The following RELN variants were observed in gnomAD, a reference collection of about 807,000 sequenced individuals.
RELN encodes the protein reelin.
Under a neutral mutation model 427.6 loss-of-function variants are expected in RELN, and 108 were observed. The observed-to-expected ratio is 0.25, with a 90% CI of 0.22 to 0.30. The LOEUF is 0.30. Ranked by LOEUF, RELN falls within the 10% of genes least tolerant of loss-of-function variation. RELN has a pLI of 1.00. For synonymous variants in RELN, 1,524 were observed against 1,513.4 expected (o/e 1.01, Z -0.16); for missense variants, 3,715 against 4,302.8 (o/e 0.86, Z 3.82).
intron 25 of RELN, among the ~76,000 whole-genome samples, chr7:103,595,011 G>A (rs943912309): frequency 1.8e-4 from 27 of 152,052 alleles, no homozygotes; most frequent in African/African-American, 6.5e-4. Flanking sequence ...GGCATTATAC[G>A]TATAATTTGG....
intron 27 of RELN, among the ~76,000 whole-genome samples, chr7:103,590,298 T>G (rs1050702407): frequency 2.0e-5 from 3 of 152,094 alleles, no homozygotes; most frequent in Non-Finnish European, 4.4e-5. Context: ...GTGCGGTGGC[T>G]CATGCCTGTA....
intron 2 of RELN, among the ~76,000 whole-genome samples, chr7:103,891,129 C>T (rs76154936): frequency 1.3e-5 from 2 of 151,974 alleles, no homozygotes; most frequent in Non-Finnish European, 1.5e-5. Context: ...GAATTCCATC[C>T]AAGTGTTTAT....
intron 38 of RELN, among the ~76,000 whole-genome samples, chr7:103,554,985 G>T (rs984109721): frequency 6.6e-6 from 1 of 152,108 alleles, no homozygotes; most frequent in African/African-American, 2.4e-5. Flanking sequence ...TAATACAGAA[G>T]AAAAATATTC....
intron 3 of RELN, among the ~76,000 whole-genome samples, chr7:103,786,293 T>G (rs17156056): frequency 0.026 from 3,907 of 151,994 alleles, 162 homozygotes; most frequent in African/African-American, 0.086. Context: ...TTTTTAAAAT[T>G]AATATAAAGT....
chr7:103,510,703 TAGTTG>T, intron 51 of RELN, 143 bp downstream of exon 51: 1 of 676,538 alleles, frequency 1.5e-6, no homozygotes. Flanking sequence ...AAGCAATGTA[TAGTTG>T]AGTTGTATAT....
intron 11 of RELN, among the ~76,000 whole-genome samples, chr7:103,677,454 A>ATAAT (rs1276608957): frequency 2.8e-5 from 4 of 143,970 alleles, no homozygotes; most frequent in African/African-American, 1.0e-4. Flanking sequence ...AATAATAATA[A>ATAAT]AAAGAACAAC....
chr7:103,651,638 T>A, intron 15 of RELN, 23 bp downstream of exon 15: 2 of 1,606,582 alleles, frequency 1.2e-6, no homozygotes, highest in Non-Finnish European at 1.7e-6. Flanking sequence ...AGTATTTCAA[T>A]ATCTCAGAGA....
At chr7:103,584,415 C>T (rs1831223559) in intron 28 of RELN, among the ~76,000 whole-genome samples, 1 of 152,094 alleles carries the variant, frequency 6.6e-6, no homozygotes. Context: ...AGAGTAACTA[C>T]ACTCATGTAA....
intron 41 of RELN, among the ~76,000 whole-genome samples, chr7:103,545,781 G>C (rs1321033058): frequency 6.6e-6 from 1 of 151,906 alleles, no homozygotes; most frequent in Admixed American, 6.6e-5. Flanking sequence ...GGCTGGGCGT[G>C]CCCACCACCA....
intron 2 of RELN, among the ~76,000 whole-genome samples, chr7:103,874,343 G>T (rs1488082719): frequency 7.2e-6 from 1 of 139,142 alleles, no homozygotes; most frequent in Non-Finnish European, 1.6e-5. Flanking sequence ...CATAGTGTTG[G>T]AAGTTCTGAC....
At chr7:103,747,952 T>C (rs1401436198) in intron 6 of RELN, among the ~76,000 whole-genome samples, 1 of 151,924 alleles carries the variant, frequency 6.6e-6, no homozygotes, top group Non-Finnish European at 1.5e-5. Context: ...CAACAGAATT[T>C]GCACCACCGA....
chr7:103,604,038 T>G (rs1419920139), intron 23 of RELN, among the ~76,000 whole-genome samples: 1 of 152,142 alleles, frequency 6.6e-6, no homozygotes, highest in Non-Finnish European at 1.5e-5. Flanking sequence ...GTTTGACTAG[T>G]GCTCTAAGAT....
chr7:103,516,337 G>A (rs552844082), intron 49 of RELN, among the ~76,000 whole-genome samples: 12 of 149,202 alleles, frequency 8.0e-5, no homozygotes, highest in Non-Finnish European at 1.5e-4. Flanking sequence ...CCACGCTGGA[G>A]TACAGTGGTA....
intron 64 of RELN, among the ~76,000 whole-genome samples, chr7:103,477,201 G>C (rs1399783279): frequency 1.3e-5 from 2 of 152,156 alleles, no homozygotes; most frequent in African/African-American, 4.8e-5. Context: ...AGGAAATATG[G>C]CCATTGCAAG....
At chr7:103,920,821 G>A (rs1795602195) in intron 1 of RELN, among the ~76,000 whole-genome samples, 2 of 152,022 alleles carry the variant, frequency 1.3e-5, no homozygotes. Context: ...TGATCCACCT[G>A]CCTCAGCCTC....
In RELN at chr7:103,620,741, T is replaced by A. The variant is rs895084751; in HGVS notation, c.2703-8938A>T. 2.0e-5 allele frequency among the ~76,000 whole-genome samples: 3 copies of A among 152,218 alleles called. No individual in the cohort carries two copies. Among genetic ancestry groups the A allele is most frequent in the African/African-American group, 4.8e-5 (2 of 41,458 alleles). The stretch of plus-strand genomic sequence containing the variant: ...TGCCCGCCTCAGCCTCCCAAAGTGC[T>A]GGGATTACAGGTGTGAGCCACCGCG... On this transcript the variant is annotated intron_variant, in intron 20 of 64. Coordinates refer to ENST00000428762, the MANE Select transcript of RELN (RefSeq NM_005045.4). The surrounding 1 kb of genome is among the most constrained non-coding windows in gnomAD (Gnocchi z 4.1).
At chr7:103,724,883 T>C (rs1045649808) in intron 7 of RELN, among the ~76,000 whole-genome samples, 1 of 151,946 alleles carries the variant, frequency 6.6e-6, no homozygotes, top group South Asian at 2.1e-4. Context: ...ACTTGAGTAT[T>C]ATAAATAAAT....
intron 1 of RELN, among the ~76,000 whole-genome samples, chr7:103,937,653 C>T (rs1195393567): frequency 6.6e-6 from 1 of 152,150 alleles, no homozygotes; most frequent in Non-Finnish European, 1.5e-5. Context: ...AGCTAATGTC[C>T]AGGTACTCTC....
At chr7:103,985,669 T>A (rs1007153332) in intron 1 of RELN, among the ~76,000 whole-genome samples, 1 of 152,166 alleles carries the variant, frequency 6.6e-6, no homozygotes, top group Admixed American at 6.5e-5. Flanking sequence ...ATAAAAAATG[T>A]GGGAAAGTTT....
Sources: allele counts gnomAD v4.1 joint callset (sites outside exome capture counted in the v4.1 genomes callset), GRCh38; gene constraint gnomAD v4.1.1; non-coding constraint Gnocchi (gnomAD v3.1); transcripts MANE v1.5; gene names NCBI Gene and HGNC (gene_info 2026-07-23, HGNC 2026-07-21).